Variants in VAT1L observed in about 807,000 individuals in gnomAD.
The protein encoded by VAT1L is vesicle amine transport 1 like, also known as putative NADPH-dependent quinone oxidoreductase VAT1L.
VAT1L carries 34 observed loss-of-function variants against 44.1 expected under a neutral mutation model. The observed-to-expected ratio is 0.77, with a 90% CI of 0.59 to 1.03. The LOEUF is 1.03. Ranked by LOEUF, VAT1L falls within the 50% of genes least tolerant of loss-of-function variation. VAT1L has a pLI of 0.00. For missense variants in VAT1L, 615 were observed against 538.8 expected (o/e 1.14, Z -1.40); for synonymous variants, 253 against 202.2 (o/e 1.25, Z -2.13).
rs1597086390 is a variant in VAT1L, at chr16:77,893,155, G to C, written c.1077+8353G>C. Among the ~76,000 whole-genome samples, 6 of 152,320 alleles carry C rather than the reference G, an allele frequency of 3.9e-5. No homozygotes were observed. The South Asian group carries it at 1.2e-3, about 32-fold the overall frequency. On this transcript the variant is annotated intron_variant, in intron 7 of 8. Transcript: ENST00000302536. ...AAAAAGCCTCTCCCAAAAGCAGGCT[G>C]TGTGTGTTGTGTCATGTACATAGTG...
chr16:77,926,429 C>T (rs990357445), intron 7 of VAT1L, among the ~76,000 whole-genome samples: 1 of 150,666 alleles, frequency 6.6e-6, no homozygotes, highest in African/African-American at 2.4e-5. Context: ...ACTAAAAATA[C>T]AAAAGTTAGT....
At chr16:77,893,691 C>T (rs767368271) in intron 7 of VAT1L, among the ~76,000 whole-genome samples, 7 of 152,190 alleles carry the variant, frequency 4.6e-5, no homozygotes, top group African/African-American at 9.6e-5. Flanking sequence ...TTCCCAACAT[C>T]ACAATAGTAT....
intron 1 of VAT1L, among the ~76,000 whole-genome samples, chr16:77,791,171 G>A (rs891208706): frequency 6.6e-6 from 1 of 152,196 alleles, no homozygotes; most frequent in Non-Finnish European, 1.5e-5. Context: ...GGCCAGACAT[G>A]ATCATTGATT....
At chr16:77,946,515 T>C (rs529209400) in intron 7 of VAT1L, among the ~76,000 whole-genome samples, 3 of 150,906 alleles carry the variant, frequency 2.0e-5, no homozygotes, top group Admixed American at 6.6e-5. Flanking sequence ...ATCTCCTGAC[T>C]TCGTGATCTG....
At chr16:77,921,963 G>C (rs2017616555) in intron 7 of VAT1L, among the ~76,000 whole-genome samples, 1 of 151,886 alleles carries the variant, frequency 6.6e-6, no homozygotes, top group African/African-American at 2.4e-5. Flanking sequence ...GCCCAGGCTG[G>C]TCTTGAAGCC....
chr16:77,934,742 G>T (rs372201929), intron 7 of VAT1L, among the ~76,000 whole-genome samples: 21 of 152,282 alleles, frequency 1.4e-4, no homozygotes, highest in African/African-American at 5.1e-4. Context: ...GAGGGAGACA[G>T]GGTAGGTTTA....
intron 7 of VAT1L, among the ~76,000 whole-genome samples, chr16:77,957,854 C>T (rs2018120753): frequency 6.6e-6 from 1 of 151,334 alleles, no homozygotes; most frequent in African/African-American, 2.4e-5. Context: ...GGTGGGAGCT[C>T]AGGTTGTTAC....
chr16:77,977,291 C>A (rs2018351563), intron 8 of VAT1L, among the ~76,000 whole-genome samples: 1 of 152,210 alleles, frequency 6.6e-6, no homozygotes, highest in African/African-American at 2.4e-5. Context: ...ACTGCCCACA[C>A]AGGAACCAAC....
intron 7 of VAT1L, among the ~76,000 whole-genome samples, chr16:77,935,455 C>T (rs972105501): frequency 6.7e-6 from 1 of 149,548 alleles, no homozygotes; most frequent in African/African-American, 2.5e-5. Flanking sequence ...TAGCACAAGC[C>T]TTGTGCTCAG....
At chr16:77,964,065 C>G (rs1049302268) in intron 7 of VAT1L, among the ~76,000 whole-genome samples, 1 of 152,020 alleles carries the variant, frequency 6.6e-6, no homozygotes, top group African/African-American at 2.4e-5. Context: ...TTTTCTCCAC[C>G]ACTCTGGCCT....
chr16:77,879,305 G>A lies in VAT1L; in HGVS notation c.882+81G>A. 6.8e-7 allele frequency: 1 copy of A among 1,473,072 alleles called. No individual in the cohort carries two copies. The highest frequency in any genetic ancestry group is 9.5e-7 in the Non-Finnish European group (1 of 1,053,978). 91.3% of individuals were successfully genotyped at this position (1,473,072 alleles called of 1,614,324 possible). A position where few individuals can be genotyped will look rare whatever the true frequency, so the allele number is the denominator to read the frequency against. The stretch of plus-strand genomic sequence containing the variant: ...GAGCTTTGTTTTTGTTTGTTTGTTT[G>A]TTTTGAGACAGCGTCTCGTTCTGTC... On this transcript the variant is annotated intron_variant, in intron 6 of 8. Transcript: ENST00000302536. This position sits in a 1 kb window ranked among gnomAD's most constrained non-coding sequence, Gnocchi z 4.1.
chr16:77,925,084 T>C (rs2017651560), intron 7 of VAT1L, among the ~76,000 whole-genome samples: 2 of 152,194 alleles, frequency 1.3e-5, no homozygotes, highest in South Asian at 4.1e-4. Context: ...GTTCAGCTTA[T>C]AGGTAGTCCT....
chr16:77,870,631 G>A (rs2017021371), intron 4 of VAT1L, among the ~76,000 whole-genome samples: 1 of 152,172 alleles, frequency 6.6e-6, no homozygotes, highest in Admixed American at 6.5e-5. Flanking sequence ...TGCTGAATTT[G>A]GCTCATATAA....
intron 4 of VAT1L, among the ~76,000 whole-genome samples, chr16:77,865,074 C>T (rs917495797): frequency 6.7e-5 from 10 of 150,120 alleles, no homozygotes; most frequent in Admixed American, 5.4e-4. Flanking sequence ...CCTGGGTTCA[C>T]GCCATTCTCC....
intron 3 of VAT1L, among the ~76,000 whole-genome samples, chr16:77,858,937 A>G (rs1338954898): frequency 6.6e-6 from 1 of 152,112 alleles, no homozygotes; most frequent in Non-Finnish European, 1.5e-5. Flanking sequence ...GGAGTTCGAG[A>G]CCAGCCTGAC....
intron 1 of VAT1L, among the ~76,000 whole-genome samples, chr16:77,804,827 A>G (rs1452907817): frequency 6.6e-6 from 1 of 152,210 alleles, no homozygotes; most frequent in Non-Finnish European, 1.5e-5. Context: ...TCCCACTGCA[A>G]AGAGAACTTT....
rs1359179557 is a variant in VAT1L, at chr16:77,816,980, C to G, written c.293C>G (p.Thr98Ser). The G allele has an allele frequency of 7.4e-6, 12 of 1,613,926 alleles. No individual in the cohort carries two copies. The highest frequency in any genetic ancestry group is 3.3e-5 in the Admixed American group (2 of 60,000). Residue 98 changes from threonine (T) to serine (S), a missense_variant, in exon 2 of 9, where the codon ACT (threonine) becomes AGT (serine). Thr to Ser is a moderately conservative substitution (Grantham distance 58, BLOSUM62 1). Transcript: ENST00000302536. ...RQGNIDNPPK[T>S]PLVPGFECSG... ...GGGAATATTGACAACCCTCCCAAGA[C>G]TCCCCTGGTGCCAGGATTTGAGTGT...
rs2017185259 is a variant in VAT1L at position 77,884,269 on chromosome 16, CAA to C, written c.883-335_883-334del. Among the ~76,000 whole-genome samples, 1 of 151,866 alleles carries C rather than the reference CAA, an allele frequency of 6.6e-6. No homozygotes were observed. ...TGAAACCCCATCCCTACTAAAAATA[CAA>C]AAATTAGCTGGGCATGGTCGTGGGC... On this transcript the variant is annotated intron_variant, in intron 6 of 8. Transcript: ENST00000302536. This position sits in a 1 kb window ranked among gnomAD's most constrained non-coding sequence, Gnocchi z 4.5.
chr16:77,959,129 T>C (rs1040304546), intron 7 of VAT1L, among the ~76,000 whole-genome samples: 1 of 152,178 alleles, frequency 6.6e-6, no homozygotes, highest in African/African-American at 2.4e-5. Flanking sequence ...TCACCTCCTC[T>C]GCCCCACCCT....
Sources: gnomAD v4.1 joint callset for allele counts (sites outside exome capture counted in the v4.1 genomes callset) on GRCh38, gnomAD v4.1.1 for gene constraint, Gnocchi (gnomAD v3.1) non-coding constraint, MANE v1.5 for transcripts, NCBI Gene and HGNC (gene_info 2026-07-23, HGNC 2026-07-21) for gene names.